The following ADAMTS16 variants were observed in gnomAD, a reference collection of about 807,000 sequenced individuals.
The protein encoded by ADAMTS16 is ADAM metallopeptidase with thrombospondin type 1 motif 16.
Under a neutral mutation model 145.8 loss-of-function variants are expected in ADAMTS16, and 94 were observed. The ratio of observed to expected loss-of-function variants is 0.64; its 90% CI spans 0.55 to 0.77. The LOEUF (loss-of-function observed/expected upper bound fraction) is 0.77, where lower values mean the gene tolerates loss of function less well. Ranked by LOEUF, ADAMTS16 falls within the 30% of genes least tolerant of loss-of-function variation. ADAMTS16 has a pLI of 0.00. For missense variants in ADAMTS16, 1,585 were observed against 1,591.5 expected, an observed-to-expected ratio of 1.00 and a Z score of 0.07; for synonymous variants, 659 against 604.3, an observed-to-expected ratio of 1.09 and a Z score of -1.33.
intron 10 of ADAMTS16, among the ~76,000 whole-genome samples, chr5:5,215,870 G>GTATGTATATA (rs1736420675): frequency 2.0e-5 from 2 of 101,620 alleles, no homozygotes; most frequent in African/African-American, 1.0e-4. Flanking sequence ...GTGTGTATGT[G>GTATGTATATA]TATATATATA....
In ADAMTS16 at chr5:5,303,325, C is replaced by T; in HGVS notation, c.2847C>T (p.Ser949=). The change falls in exon 19 of 23, where the codon AGC becomes AGT. Residue 949 remains serine, a synonymous_variant. Coordinates refer to ENST00000274181, the MANE Select transcript of ADAMTS16 (RefSeq NM_139056.4). ...GGACGTGTGGCGGGGGTGCCCAGAG[C>T]CGCCCCGTGCAGTGCACACGGCGGG... is the stretch of plus-strand genomic sequence containing the variant. The part of the protein sequence containing the change: ...CSRTCGGGAQ[S]RPVQCTRRVH... The T allele has an allele frequency of 1.2e-6, 2 of 1,601,598 alleles. No homozygotes were observed. Among genetic ancestry groups the T allele is most frequent in the South Asian group, 1.1e-5 (1 of 89,424 alleles).
At chr5:5,216,477 G>A (rs190743464) in intron 10 of ADAMTS16, among the ~76,000 whole-genome samples, 461 of 151,894 alleles carry the variant, frequency 3.0e-3, no homozygotes, top group Middle Eastern at 0.028. Flanking sequence ...ACTGTGGATT[G>A]TCTGTTTACT....
At chr5:5,257,138 T>G (rs2126419336) in intron 17 of ADAMTS16, among the ~76,000 whole-genome samples, 1 of 152,332 alleles carries the variant, frequency 6.6e-6, no homozygotes, top group East Asian at 1.9e-4. Flanking sequence ...CATCTTCATA[T>G]TGCATCTCAA....
chr5:5,317,981 G>A lies in ADAMTS16; in HGVS notation c.3412-153G>A, dbSNP rs78070715. 6.9e-3 allele frequency among the ~76,000 whole-genome samples: 1,046 copies of A among 152,330 alleles called. 9 individuals carry two copies. The highest frequency in any genetic ancestry group is 0.024 in the African/African-American group (983 of 41,582). ...GGGACCGTGCTCACTCGCGCACATC[G>A]TGGCCAACCATAACTCCACCTGCCT... On this transcript the variant is annotated intron_variant, in intron 21 of 22. Coordinates refer to ENST00000274181, the MANE Select transcript of ADAMTS16 (RefSeq NM_139056.4). This position sits in a 1 kb window ranked among gnomAD's most constrained non-coding sequence, Gnocchi z 4.5.
Position 5,235,105 on chromosome 5 carries a change from C to G in ADAMTS16, c.1942C>G (p.Arg648Gly). ...ATGTCCCCGGGACAGTGTTGACTTC[C>G]GTGCTGCTCAGTGTGCCGAGCACAA... is the stretch of plus-strand genomic sequence containing the variant. ...QKCPRDSVDF[R>G]AAQCAEHNSR... Residue 648 changes from arginine to glycine, a missense_variant, in exon 13 of 23, where the codon CGT becomes GGT. This residue lies in a region of ADAMTS16 where 834 missense variants were observed against 811.7 expected (regional missense o/e 1.03). Coordinates refer to ENST00000274181, the MANE Select transcript of ADAMTS16 (RefSeq NM_139056.4). 1 of 1,606,258 alleles carries G rather than the reference C, an allele frequency of 6.2e-7. No homozygotes were observed. The highest frequency in any genetic ancestry group is 1.1e-5 in the South Asian group (1 of 90,778).
chr5:5,297,774 T>A (rs1739603550), intron 18 of ADAMTS16, among the ~76,000 whole-genome samples: 1 of 152,234 alleles, frequency 6.6e-6, no homozygotes, highest in Non-Finnish European at 1.5e-5. Flanking sequence ...GGAGCTTTGA[T>A]GTCCTCGGTT....
rs116077711 is a variant in ADAMTS16 at position 5,156,559 on chromosome 5, A to C, written c.501+10104A>C. ...AGGCTTATTCTTGTATGGGGCTGGA[A>C]CTGTCAGACACAATGTGTCCGGACA... On this transcript the variant is annotated intron_variant, in intron 3 of 22. Transcript: ENST00000274181. Among the ~76,000 whole-genome samples, 547 of 152,296 alleles carry C rather than the reference A, an allele frequency of 3.6e-3. 3 individuals carry two copies. Among genetic ancestry groups the C allele is most frequent in the African/African-American group, 0.013 (532 of 41,556 alleles).
At chr5:5,198,710 AT>A (rs1224168938) in intron 8 of ADAMTS16, among the ~76,000 whole-genome samples, 33 of 152,330 alleles carry the variant, frequency 2.2e-4, no homozygotes, top group African/African-American at 7.0e-4. Flanking sequence ...CTAGTAATAT[AT>A]TACTAAATAG....
chr5:5,202,019 G>A (rs942084285), intron 9 of ADAMTS16, among the ~76,000 whole-genome samples: 2 of 151,900 alleles, frequency 1.3e-5, no homozygotes, highest in African/African-American at 4.8e-5. Context: ...TATTTGAGTA[G>A]CAGGATCACA....
intron 6 of ADAMTS16, among the ~76,000 whole-genome samples, chr5:5,189,570 C>T (rs1735600259): frequency 6.6e-6 from 1 of 152,190 alleles, no homozygotes; most frequent in Non-Finnish European, 1.5e-5. Flanking sequence ...ATGAGATAAA[C>T]ATATCACCAT....
At chr5:5,283,220 T>C (rs1197901124) in intron 18 of ADAMTS16, among the ~76,000 whole-genome samples, 1 of 152,200 alleles carries the variant, frequency 6.6e-6, no homozygotes, top group Admixed American at 6.5e-5. Context: ...GTTTCTGCAT[T>C]TTCACAATTA....
At chr5:5,145,849 G>A (rs1007899503) in intron 2 of ADAMTS16, among the ~76,000 whole-genome samples, 3 of 152,194 alleles carry the variant, frequency 2.0e-5, no homozygotes, top group African/African-American at 7.2e-5. Context: ...CTGAGTGGCT[G>A]GGAGGGCAGA....
chr5:5,147,674 TC>T (rs1348992107), intron 3 of ADAMTS16, among the ~76,000 whole-genome samples: 11 of 152,332 alleles, frequency 7.2e-5, no homozygotes, highest in Non-Finnish European at 1.6e-4. Flanking sequence ...GCTGATTTCT[TC>T]CACACTCTCC....
At chr5:5,276,385 C>T (rs1035111065) in intron 18 of ADAMTS16, among the ~76,000 whole-genome samples, 5 of 152,146 alleles carry the variant, frequency 3.3e-5, no homozygotes, top group Admixed American at 3.3e-4. Flanking sequence ...AAGACCACCA[C>T]TTTCTGATTT....
intron 16 of ADAMTS16, 105 bp from the exon 17 acceptor site, chr5:5,241,948 C>G: frequency 7.5e-7 from 1 of 1,340,914 alleles, no homozygotes; most frequent in Non-Finnish European, 1.0e-6. Context: ...TCATAACAAA[C>G]TTCTTGTTGA....
Position 5,306,729 on chromosome 5 carries a change from G to A in ADAMTS16, c.3411+1G>A. On this transcript the variant is annotated splice_donor_variant, in intron 21 of 22. Coordinates refer to ENST00000274181, the MANE Select transcript of ADAMTS16 (RefSeq NM_139056.4). LOFTEE classifies it high-confidence loss of function. ...CTGGTTTGCCTCACCCTGGTCTCAG[G>A]TAGGGGAGGCCCTCGGTTCCTGGAG... is the stretch of plus-strand genomic sequence containing the variant. The A allele has an allele frequency of 1.2e-6, 2 of 1,602,994 alleles. No homozygotes were observed. The highest frequency in any genetic ancestry group is 1.7e-6 in the Non-Finnish European group (2 of 1,174,124).
intron 4 of ADAMTS16, among the ~76,000 whole-genome samples, chr5:5,183,114 T>C (rs16874927): frequency 0.075 from 11,359 of 152,242 alleles, 1,022 homozygotes; most frequent in African/African-American, 0.21. Context: ...AATCAGTGCT[T>C]GTTAAACCAT....
Position 5,235,005 on chromosome 5 carries a change from A to T in ADAMTS16, c.1851-9A>T. 6.5e-7 allele frequency: 1 copy of T among 1,534,704 alleles called. No individual in the cohort carries two copies. The highest frequency in any genetic ancestry group is 8.8e-7 in the Non-Finnish European group (1 of 1,132,316). On this transcript the variant is annotated splice_polypyrimidine_tract_variant and intron_variant, in intron 12 of 22. Transcript: ENST00000274181. ...TATAAAAATTCTAACTTCAAAATAC[A>T]CATTCCAGGCCATCGCATGGAGGGA...
At chr5:5,279,924 C>T (rs1442077954) in intron 18 of ADAMTS16, among the ~76,000 whole-genome samples, 5 of 139,322 alleles carry the variant, frequency 3.6e-5, no homozygotes, top group South Asian at 5.2e-4. Context: ...CTTTATTTCT[C>T]TTTTTCTTTC....
Sources: gnomAD v4.1 joint callset for allele counts (sites outside exome capture counted in the v4.1 genomes callset) on GRCh38, gnomAD v4.1.1 for gene constraint, gnomAD v4.1.1 regional missense constraint, Gnocchi (gnomAD v3.1) non-coding constraint, MANE v1.5 for transcripts, NCBI Gene and HGNC (gene_info 2026-07-23, HGNC 2026-07-21) for gene names.